USP12: variants seen among roughly 807,000 people sequenced by gnomAD.
The protein encoded by USP12 is ubiquitin carboxyl-terminal hydrolase 12.
In USP12, 19 loss-of-function variants were observed where a neutral mutation model predicts 45.5. The observed-to-expected ratio is 0.42, with a 90% CI of 0.29 to 0.61. USP12 has a LOEUF of 0.61. Among genes scored for constraint, USP12 ranks in the 20% least tolerant of loss-of-function variants. The pLI, the probability that USP12 is intolerant of heterozygous loss-of-function variation, is 0.22. For missense variants in USP12, 242 were observed against 447.7 expected (o/e 0.54, Z 4.15); for synonymous variants, 149 against 148.8 (o/e 1.00, Z -0.01).
chr13:27,151,907 A>G (rs889535470), intron 1 of USP12, among the ~76,000 whole-genome samples: 78 of 152,252 alleles, frequency 5.1e-4, no homozygotes, highest in African/African-American at 1.6e-3. Context: ...GGTGCTCAAC[A>G]TCATTACTCA....
chr13:27,170,473 C>T (rs1003415796), intron 1 of USP12: 1 of 395,972 alleles, frequency 2.5e-6, no homozygotes, highest in Non-Finnish European at 4.4e-6. Flanking sequence ...ACTAGGCCCA[C>T]GTTGCAAAGA....
intron 3 of USP12, among the ~76,000 whole-genome samples, chr13:27,097,487 G>A (rs1874645241): frequency 6.6e-6 from 1 of 152,120 alleles, no homozygotes; most frequent in Non-Finnish European, 1.5e-5. Flanking sequence ...CAACAAAACA[G>A]AATACCATCT....
chr13:27,150,946 A>T (rs1438059983), intron 1 of USP12, among the ~76,000 whole-genome samples: 1 of 152,224 alleles, frequency 6.6e-6, no homozygotes, highest in Non-Finnish European at 1.5e-5. Context: ...CAACACCCAG[A>T]AAACTCTTAA....
intron 1 of USP12, among the ~76,000 whole-genome samples, chr13:27,164,468 A>C (rs1003544083): frequency 1.3e-5 from 2 of 152,232 alleles, no homozygotes; most frequent in African/African-American, 4.8e-5. Context: ...GCAAAGCATA[A>C]GCCAAGGAAC....
At chr13:27,167,741 A>G (rs932802652) in intron 1 of USP12, among the ~76,000 whole-genome samples, 2 of 152,048 alleles carry the variant, frequency 1.3e-5, no homozygotes, top group African/African-American at 4.8e-5. Flanking sequence ...AGAAGGAAAA[A>G]GAAATTTCAT....
At chr13:27,088,071 G>T (rs1051709595) in intron 6 of USP12, among the ~76,000 whole-genome samples, 1 of 152,194 alleles carries the variant, frequency 6.6e-6, no homozygotes, top group Non-Finnish European at 1.5e-5. Flanking sequence ...TAACAGCCAA[G>T]AACAGTAATG....
chr13:27,124,061 G>GA (rs1376603144), intron 1 of USP12, among the ~76,000 whole-genome samples: 1 of 151,824 alleles, frequency 6.6e-6, no homozygotes, highest in Non-Finnish European at 1.5e-5. Flanking sequence ...CTGCAAATAG[G>GA]AAAAAAATAA....
intron 1 of USP12, among the ~76,000 whole-genome samples, chr13:27,149,476 A>G (rs1029255184): frequency 2.6e-5 from 4 of 152,172 alleles, no homozygotes; most frequent in African/African-American, 9.7e-5. Flanking sequence ...TATAAAGAAA[A>G]CCCTAAAGAA....
rs201470801 is a variant in USP12 at position 27,083,845 on chromosome 13, CCT to C, written c.734+6036_734+6037del. ...TATTCTTCAGTGTTCTCGGGATGAA[CCT>C]TTTTGGGAGAATATATATATATATA... On this transcript the variant is annotated intron_variant, in intron 6 of 8. Transcript: ENST00000282344. Among the ~76,000 whole-genome samples, 1,318 of 148,606 alleles carry C rather than the reference CCT, an allele frequency of 8.9e-3. 21 individuals are homozygous for C. The highest frequency in any genetic ancestry group is 0.031 in the African/African-American group (1,231 of 39,310).
chr13:27,163,792 A>G (rs964823041), intron 1 of USP12, among the ~76,000 whole-genome samples: 4 of 151,390 alleles, frequency 2.6e-5, no homozygotes, highest in African/African-American at 7.3e-5. Context: ...AAAAGAAAAA[A>G]AAAAAAGAAA....
At chr13:27,145,793 T>C (rs942602332) in intron 1 of USP12, among the ~76,000 whole-genome samples, 6 of 151,826 alleles carry the variant, frequency 4.0e-5, no homozygotes, top group African/African-American at 1.5e-4. Context: ...TGAGAAACAA[T>C]GAAAAGAAAT....
intron 1 of USP12, among the ~76,000 whole-genome samples, chr13:27,156,206 C>T (rs1466556298): frequency 1.7e-5 from 2 of 116,810 alleles, no homozygotes; most frequent in African/African-American, 6.6e-5. Context: ...ACTTGTACCT[C>T]AACTCCTGCA....
intron 2 of USP12, among the ~76,000 whole-genome samples, chr13:27,110,463 T>G (rs1875384415): frequency 6.6e-6 from 1 of 152,216 alleles, no homozygotes; most frequent in Non-Finnish European, 1.5e-5. Flanking sequence ...ATAAGATCCC[T>G]CTGCCCCACT....
chr13:27,088,795 G>A (rs147018270), intron 6 of USP12, among the ~76,000 whole-genome samples: 34 of 152,244 alleles, frequency 2.2e-4, no homozygotes, highest in Admixed American at 6.5e-4. Flanking sequence ...TTTGTATCCC[G>A]TCCCTGTAAT....
At chr13:27,085,985 G>A (rs2137765550) in intron 6 of USP12, among the ~76,000 whole-genome samples, 2 of 151,680 alleles carry the variant, frequency 1.3e-5, no homozygotes, top group South Asian at 4.2e-4. Context: ...AGGCAACATA[G>A]CAAGAGCCCG....
At chr13:27,078,931 T>G (rs1352075701) in intron 6 of USP12, among the ~76,000 whole-genome samples, 1 of 151,746 alleles carries the variant, frequency 6.6e-6, no homozygotes, top group Non-Finnish European at 1.5e-5. Context: ...CATTCACTAA[T>G]GTACTGGACA....
intron 6 of USP12, among the ~76,000 whole-genome samples, chr13:27,075,972 G>A (rs1007391939): frequency 4.8e-5 from 7 of 147,276 alleles, no homozygotes; most frequent in Non-Finnish European, 1.0e-4. Context: ...GGAGGTTGCA[G>A]TGAGCTGAGA....
chr13:27,151,260 G>A (rs948608573), intron 1 of USP12, among the ~76,000 whole-genome samples: 1 of 152,060 alleles, frequency 6.6e-6, no homozygotes, highest in African/African-American at 2.4e-5. Context: ...GAACACGGGA[G>A]GTGGAGGTTG....
intron 2 of USP12, among the ~76,000 whole-genome samples, chr13:27,114,214 GA>G (rs201005291): frequency 2.0e-5 from 3 of 151,128 alleles, no homozygotes; most frequent in South Asian, 4.2e-4. Flanking sequence ...ATAAAACAAT[GA>G]AAAAAAAGCT....
Sources: allele counts gnomAD v4.1 joint callset (sites outside exome capture counted in the v4.1 genomes callset), GRCh38; gene constraint gnomAD v4.1.1; transcripts MANE v1.5; gene names NCBI Gene and HGNC (gene_info 2026-07-23, HGNC 2026-07-21).